Variants in DIDO1 observed in about 807,000 individuals in gnomAD.
DIDO1 encodes death inducer-obliterator 1.
A neutral mutation model predicts 99.4 loss-of-function variants in DIDO1; 16 were observed. That is an observed-to-expected ratio of 0.16 (90% CI 0.11 to 0.24). The LOEUF is 0.24. DIDO1 is among the 10% of genes least tolerant of loss of function. The pLI, the probability that DIDO1 is intolerant of heterozygous loss-of-function variation, is 1.00. For missense variants in DIDO1, 2,996 were observed against 3,014.0 expected, an observed-to-expected ratio of 0.99 and a Z score of 0.14; for synonymous variants, 1,366 against 1,239.1, an observed-to-expected ratio of 1.10 and a Z score of -2.15.
At chr20:62,898,722 C>G (rs1038906028) in intron 6 of DIDO1, among the ~76,000 whole-genome samples, 1 of 152,182 alleles carries the variant, frequency 6.6e-6, no homozygotes, top group African/African-American at 2.4e-5. Flanking sequence ...AACACTCATT[C>G]CTGTTGGAGC....
chr20:62,902,388 G>T (rs2064702915), intron 6 of DIDO1, among the ~76,000 whole-genome samples: 1 of 152,240 alleles, frequency 6.6e-6, no homozygotes, highest in Admixed American at 6.5e-5. Flanking sequence ...TTTTCTAATT[G>T]GGAGGAAGAG....
In DIDO1 at chr20:62,893,864, G is replaced by A. The variant is rs762769595; in HGVS notation, c.2903C>T (p.Pro968Leu). ...VTTVTVSGRD[P>L]RTAPSSSCTA... ...GCATGAACTGCTTGGAGCGGTCCTGGGGTCCCGGCCGGACACTGTGACGGT... is the reference window on the plus strand; with the variant it reads ...GCATGAACTGCTTGGAGCGGTCCTGAGGTCCCGGCCGGACACTGTGACGGT... Residue 968 changes from proline (P) to leucine (L), a missense_variant, in exon 12 of 16, where the codon CCC becomes CTC. Pro to Leu is a moderately conservative substitution (Grantham distance 98). Coordinates refer to ENST00000395343, the MANE Select transcript of DIDO1 (RefSeq NM_001193369.2). 3 of 1,613,424 alleles carry A rather than the reference G, an allele frequency of 1.9e-6. No individual in the cohort carries two copies. In the African/African-American group the frequency reaches 4.0e-5, roughly 21 times the overall value.
At chr20:62,900,136 G>C (rs952176808) in intron 6 of DIDO1, among the ~76,000 whole-genome samples, 4 of 152,200 alleles carry the variant, frequency 2.6e-5, no homozygotes, top group African/African-American at 9.7e-5. Context: ...CAGCAGTGGT[G>C]GTGACCTGGT....
rs2065258523 is a variant in DIDO1, at chr20:62,926,482, G to A, written c.-243C>T. 1 of 151,616 alleles carries A rather than the reference G, an allele frequency of 6.6e-6. No homozygotes were observed. Among genetic ancestry groups the A allele is most frequent in the Admixed American group, 6.6e-5 (1 of 15,230 alleles). The allele number at this position is 151,616 out of a possible 1,614,324, so 9.4% of individuals were successfully genotyped here. ...CGCAGCCATTTCCCCGAACGCCGCG[G>A]AGTGGGCGGACGGCCACCGAGATGG... On this transcript the variant is annotated 5_prime_UTR_variant, in exon 1 of 16. Coordinates refer to ENST00000395343, the MANE Select transcript of DIDO1 (RefSeq NM_001193369.2).
At position 62,910,858 on chromosome 20, in the gene DIDO1, C is replaced by G. The variant is rs1475697389; in HGVS notation, c.755G>C (p.Gly252Ala). The G allele has an allele frequency of 3.1e-6, 5 of 1,614,194 alleles. No homozygotes were observed. In the African/African-American group the frequency reaches 5.3e-5, roughly 17 times the overall value. Residue 252 changes from glycine to alanine, a missense_variant, in exon 3 of 16, where the codon GGA (glycine) becomes GCA (alanine). Gly to Ala is a moderately conservative substitution (Grantham distance 60, BLOSUM62 0). Transcript: ENST00000395343. ...AAQDIKDEEPGDLGRPKPECE... is the reference protein window; with the variant it reads ...AAQDIKDEEPADLGRPKPECE... Reference sequence around the variant, plus strand: ...TTCAGGCTTCGGTCGGCCCAAGTCTCCAGGCTCCTCATCTTTGATGTCCTG... The same window carrying G: ...TTCAGGCTTCGGTCGGCCCAAGTCTGCAGGCTCCTCATCTTTGATGTCCTG...
chr20:62,895,534 G>A (rs189765944), intron 8 of DIDO1, among the ~76,000 whole-genome samples: 47 of 152,344 alleles, frequency 3.1e-4, no homozygotes, highest in Non-Finnish European at 6.0e-4. Context: ...AAAAGGTAGC[G>A]TCAGGAACAA....
intron 1 of DIDO1, among the ~76,000 whole-genome samples, chr20:62,914,697 C>T (rs2147524746): frequency 6.6e-6 from 1 of 152,228 alleles, no homozygotes; most frequent in East Asian, 1.9e-4. Context: ...AGACCAGGGC[C>T]AGAGAGGAGT....
Position 62,879,679 on chromosome 20 carries a change from C to A in DIDO1, c.6277G>T (p.Val2093Leu), listed in dbSNP as rs753190965. Residue 2093 changes from valine to leucine, a missense_variant, in exon 16 of 16, where the codon GTG (valine) becomes TTG (leucine). Coordinates refer to ENST00000395343, the MANE Select transcript of DIDO1 (RefSeq NM_001193369.2). This position sits in a 1 kb window ranked among gnomAD's most constrained non-coding sequence, Gnocchi z 6.3. ...FEGRQRERFD[V>L]GPKEKPLEEP... ...TCCAGCGGCTTCTCTTTGGGCCCCA[C>A]GTCAAACCGCTCTCTCTGCCTCCCT... is the stretch of plus-strand genomic sequence containing the variant. The A allele has an allele frequency of 3.1e-6, 5 of 1,609,872 alleles. No homozygotes were observed. Among genetic ancestry groups the A allele is most frequent in the Admixed American group, 3.3e-5 (2 of 60,028 alleles).
rs547361607 is a variant in DIDO1, at chr20:62,936,082, C to G, written c.-200+1714G>C. Among the ~76,000 whole-genome samples the G allele has an allele frequency of 2.0e-5, 3 of 152,348 alleles. No homozygotes were observed. The South Asian group carries it at 6.2e-4, about 32-fold the overall frequency. On this transcript the variant is annotated intron_variant, in intron 1 of 15. Transcript: ENST00000266070. ...AATGTCGCCTTAAGGCGCTAGCACTCAAGCTTTCTGCTCGTGCATCCCCTT... is the reference window on the plus strand; with the variant it reads ...AATGTCGCCTTAAGGCGCTAGCACTGAAGCTTTCTGCTCGTGCATCCCCTT...
chr20:62,929,687 G>GAAAAAAAAAAAAAA (rs1387806644), upstream of DIDO1, among the ~76,000 whole-genome samples: 4 of 58,118 alleles, frequency 6.9e-5, no homozygotes, highest in African/African-American at 5.8e-4. Flanking sequence ...CCAGAAAAAA[G>GAAAAAAAAAAAAAA]AAAAAGTGTA....
At position 62,894,080 on chromosome 20, in the gene DIDO1, G is replaced by A. The variant is rs765548811; in HGVS notation, c.2687C>T (p.Pro896Leu). 27 of 1,614,226 alleles carry A rather than the reference G, an allele frequency of 1.7e-5. No individual in the cohort carries two copies. The highest frequency in any genetic ancestry group is 1.2e-4 in the Admixed American group (7 of 60,034). The part of the protein sequence containing the change: ...KHDSSAPDPA[P>L]DSADEVMPEA... ...CGGCATCACCTCATCAGCTGAATCC[G>A]GAGCTGGGTCAGGTGCAGAGCTGTC... Residue 896 changes from proline (P) to leucine (L), a missense_variant, in exon 12 of 16, where the codon CCG becomes CTG. Physicochemically the swap from Pro to Leu is moderately conservative, Grantham distance 98. Transcript: ENST00000395343. This position sits in a 1 kb window ranked among gnomAD's most constrained non-coding sequence, Gnocchi z 4.4.
At chr20:62,905,682 G>A in intron 6 of DIDO1, 1 of 1,603,356 alleles carries the variant, frequency 6.2e-7, no homozygotes, top group Non-Finnish European at 8.5e-7. Flanking sequence ...GGAAAACAGT[G>A]ACAGGAAGTC....
chr20:62,892,993 A>T, intron 12 of DIDO1, 31 bp from the exon 13 acceptor site: 2 of 1,588,508 alleles, frequency 1.3e-6, no homozygotes, highest in Non-Finnish European at 1.7e-6. Flanking sequence ...AAAAAAGTCA[A>T]TGTCTCTCTG....
At position 62,911,209 on chromosome 20, in the gene DIDO1, C is replaced by T. The variant is rs1276724806; in HGVS notation, c.404G>A (p.Arg135Gln). Residue 135 changes from arginine to glutamine, a missense_variant, in exon 3 of 16, where the codon CGA becomes CAA. By Grantham distance (43) the Arg-to-Gln change is conservative. Coordinates refer to ENST00000395343, the MANE Select transcript of DIDO1 (RefSeq NM_001193369.2). The surrounding 1 kb of genome is among the most constrained non-coding windows in gnomAD (Gnocchi z 7.0). The part of the protein sequence containing the change: ...PQSASTAVKE[R>Q]PASSEKVKGG... Reference sequence around the variant, plus strand: ...TTTCACCTTTTCAGAAGAGGCTGGTCGTTCCTTCACAGCTGTGGAAGCAGA... The same window carrying T: ...TTTCACCTTTTCAGAAGAGGCTGGTTGTTCCTTCACAGCTGTGGAAGCAGA... 7 of 1,613,604 alleles carry T rather than the reference C, an allele frequency of 4.3e-6. No individual in the cohort carries two copies. Among genetic ancestry groups the T allele is most frequent in the East Asian group, 2.2e-5 (1 of 44,886 alleles).
intron 15 of DIDO1, chr20:62,887,893 TAC>T (rs2064322006): frequency 4.1e-6 from 4 of 985,470 alleles, no homozygotes; most frequent in Middle Eastern, 5.2e-4. Context: ...GATGCTGAGT[TAC>T]AGAGAGTGCC....
chr20:62,931,612 AGAC>A (rs1390392762), intron 1 of DIDO1, among the ~76,000 whole-genome samples: 5 of 152,224 alleles, frequency 3.3e-5, no homozygotes, highest in Non-Finnish European at 7.3e-5. Flanking sequence ...ACGAACCCAT[AGAC>A]GACTGAATTC....
intron 6 of DIDO1, among the ~76,000 whole-genome samples, chr20:62,900,734 G>A (rs943931833): frequency 6.6e-6 from 1 of 152,290 alleles, no homozygotes; most frequent in East Asian, 1.9e-4. Context: ...CTGCCCTGTC[G>A]CGGTACTGCT....
intron 15 of DIDO1, among the ~76,000 whole-genome samples, chr20:62,885,717 A>C (rs1191505290): frequency 3.3e-5 from 5 of 152,240 alleles, no homozygotes; most frequent in Non-Finnish European, 7.3e-5. Context: ...GCTGTGAAAC[A>C]GTCAAATCTT....
intron 15 of DIDO1, chr20:62,887,888 T>G: frequency 3.0e-6 from 3 of 985,452 alleles, no homozygotes; most frequent in Non-Finnish European, 3.6e-6. Context: ...ACCGTGATGC[T>G]GAGTTACAGA....
Sources: gnomAD v4.1 joint callset for allele counts (sites outside exome capture counted in the v4.1 genomes callset) on GRCh38, gnomAD v4.1.1 for gene constraint, Gnocchi (gnomAD v3.1) non-coding constraint, MANE v1.5 for transcripts, NCBI Gene and HGNC (gene_info 2026-07-23, HGNC 2026-07-21) for gene names.